Variants in FNTB observed in about 807,000 individuals in gnomAD.
FNTB encodes the protein protein farnesyltransferase subunit beta.
FNTB carries 27 observed loss-of-function variants against 59.4 expected under a neutral mutation model. The observed-to-expected ratio is 0.45, with a 90% CI of 0.34 to 0.63. FNTB has a LOEUF of 0.63. Among genes scored for constraint, FNTB ranks in the 20% least tolerant of loss-of-function variants. The pLI is 0.02. For synonymous variants in FNTB, 230 were observed against 220.7 expected, an observed-to-expected ratio of 1.04 and a Z score of -0.37; for missense variants, 449 against 559.6, an observed-to-expected ratio of 0.80 and a Z score of 1.99.
chr14:65,035,933 G>C (rs1277715544), intron 7 of FNTB, among the ~76,000 whole-genome samples: 1 of 151,950 alleles, frequency 6.6e-6, no homozygotes, highest in Non-Finnish European at 1.5e-5. Context: ...CTGGGCTCAA[G>C]CAGTCTTCCC....
intron 11 of FNTB, among the ~76,000 whole-genome samples, chr14:65,059,982 C>T (rs981465843): frequency 4.0e-5 from 6 of 151,634 alleles, no homozygotes; most frequent in Non-Finnish European, 8.8e-5. Flanking sequence ...TACAGACACT[C>T]ACCATCATGC....
intron 4 of FNTB, among the ~76,000 whole-genome samples, chr14:65,016,208 G>A (rs1205355945): frequency 6.6e-6 from 1 of 152,168 alleles, no homozygotes; most frequent in Non-Finnish European, 1.5e-5. Context: ...GCATACAAAT[G>A]CCATGACTCT....
chr14:65,027,863 T>TA lies in FNTB; in HGVS notation c.605+82_605+83insA. The TA allele has an allele frequency of 6.4e-7, 1 of 1,571,692 alleles. No homozygotes were observed. Reference sequence around the variant, plus strand: ...TTAGAGATGCCAAGCCTAAGGAACATCATGGGGAAGCTGCTGCTTTGTCCC... The same window carrying TA: ...TTAGAGATGCCAAGCCTAAGGAACATACATGGGGAAGCTGCTGCTTTGTCCC... On this transcript the variant is annotated intron_variant, in intron 6 of 11. Coordinates refer to ENST00000246166, the MANE Select transcript of FNTB (RefSeq NM_002028.4). This position sits in a 1 kb window ranked among gnomAD's most constrained non-coding sequence, Gnocchi z 5.7.
In FNTB at chr14:65,023,569, G is replaced by A. The variant is rs1228067284; in HGVS notation, c.375-3884G>A. 3.3e-5 allele frequency among the ~76,000 whole-genome samples: 5 copies of A among 152,170 alleles called. No individual in the cohort carries two copies. Among genetic ancestry groups the A allele is most frequent in the Non-Finnish European group, 5.9e-5 (4 of 68,034 alleles). ...GTTCTATATTCTGTAAATGTCTATA[G>A]GTGTCTATAAACATCTATACGTGTT... On this transcript the variant is annotated intron_variant, in intron 4 of 11. Coordinates refer to ENST00000246166, the MANE Select transcript of FNTB (RefSeq NM_002028.4). This position sits in a 1 kb window ranked among gnomAD's most constrained non-coding sequence, Gnocchi z 4.1.
chr14:65,015,883 A>G, intron 4 of FNTB, among the ~76,000 whole-genome samples, 167 bp downstream of exon 4: 1 of 152,226 alleles, frequency 6.6e-6, no homozygotes, highest in East Asian at 1.9e-4. Context: ...CCTCCACTTT[A>G]GAAAACTAAT....
At chr14:65,004,442 T>C in intron 2 of FNTB, 129 bp downstream of exon 2, 1 of 983,484 alleles carries the variant, frequency 1.0e-6, no homozygotes, top group Non-Finnish European at 1.5e-6. Context: ...CTTGTCCTTG[T>C]GGTTACCTGG....
Position 64,989,542 on chromosome 14 carries a change from A to C in FNTB, c.144+2445A>C, listed in dbSNP as rs1888102242. Among the ~76,000 whole-genome samples the C allele has an allele frequency of 2.3e-5, 3 of 130,986 alleles. No homozygotes were observed. The Admixed American group carries it at 2.6e-4, about 12-fold the overall frequency. 85.9% of individuals were successfully genotyped at this position (130,986 alleles called of 152,430 possible). Reference sequence around the variant, plus strand: ...AAAGCTTTTCAAATTAAAAAAAAAAACAAACAAAAAATAAATGCTTGTTAC... The same window carrying C: ...AAAGCTTTTCAAATTAAAAAAAAAACCAAACAAAAAATAAATGCTTGTTAC... On this transcript the variant is annotated intron_variant, in intron 1 of 11. Coordinates refer to ENST00000246166, the MANE Select transcript of FNTB (RefSeq NM_002028.4).
chr14:65,060,382 A>G (rs1423767172), intron 11 of FNTB, among the ~76,000 whole-genome samples: 1 of 150,332 alleles, frequency 6.7e-6, no homozygotes, highest in African/African-American at 2.5e-5. Flanking sequence ...TGAGGTCAGG[A>G]GTTCGAGACC....
At chr14:64,999,681 A>G (rs780302714) in intron 1 of FNTB, among the ~76,000 whole-genome samples, 14 of 152,190 alleles carry the variant, frequency 9.2e-5, no homozygotes, top group Non-Finnish European at 1.9e-4. Flanking sequence ...TTAGTTCTCC[A>G]TGGGACCTGT....
rs529914115 is a variant in FNTB at position 65,037,704 on chromosome 14, T to C, written c.693-3086T>C. Among the ~76,000 whole-genome samples the C allele has an allele frequency of 9.1e-3, 1,335 of 146,992 alleles. 12 individuals carry two copies. The highest frequency in any genetic ancestry group is 0.018 in the Middle Eastern group (5 of 272). On this transcript the variant is annotated intron_variant, in intron 7 of 11. Transcript: ENST00000246166. ...CTTCCCCAAGTGCTGGGATTACAGG[T>C]GTGAGCCACCATGCCCAGCCTCTTA...
Position 64,991,740 on chromosome 14 carries a change from G to A in FNTB, c.144+4643G>A, listed in dbSNP as rs774438472. Among the ~76,000 whole-genome samples, 5 of 152,172 alleles carry A rather than the reference G, an allele frequency of 3.3e-5. No homozygotes were observed. Among genetic ancestry groups the A allele is most frequent in the Admixed American group, 3.3e-4 (5 of 15,282 alleles). ...TGGTCAGGATGACTTCATGGAGAAC[G>A]TGGAACTGGGTGGGCTGTAAAAAAT... On this transcript the variant is annotated intron_variant, in intron 1 of 11. Transcript: ENST00000246166. This position sits in a 1 kb window ranked among gnomAD's most constrained non-coding sequence, Gnocchi z 4.4.
chr14:65,059,366 A>G (rs1231718212), intron 11 of FNTB, among the ~76,000 whole-genome samples: 3 of 151,840 alleles, frequency 2.0e-5, no homozygotes, highest in Non-Finnish European at 4.4e-5. Context: ...AGGTTTGTAT[A>G]GATCAGAGAT....
At chr14:65,053,625 T>TAAAAAAAAACAAACA (rs201558638) in intron 10 of FNTB, among the ~76,000 whole-genome samples, 1 of 146,318 alleles carries the variant, frequency 6.8e-6, no homozygotes, top group African/African-American at 2.7e-5. Context: ...CTTCTTTTTT[T>TAAAAAAAAACAAACA]TAAAAAAAAC....
intron 1 of FNTB, chr14:65,003,709 A>G (rs985220128): frequency 6.6e-6 from 1 of 152,188 alleles, no homozygotes; most frequent in Non-Finnish European, 1.5e-5. Flanking sequence ...TGCAGATTTC[A>G]GTAGGTGCCT....
At chr14:65,026,125 A>G (rs1176576852) in intron 4 of FNTB, among the ~76,000 whole-genome samples, 1 of 152,238 alleles carries the variant, frequency 6.6e-6, no homozygotes, top group Non-Finnish European at 1.5e-5. Context: ...GAAAGCGCCC[A>G]GGAAAGAAGG....
rs1337578011 is a variant in FNTB, at chr14:65,028,394, T to G, written c.605+613T>G. 6.6e-6 allele frequency among the ~76,000 whole-genome samples: 1 copy of G among 152,242 alleles called. No individual in the cohort carries two copies. Among genetic ancestry groups the G allele is most frequent in the East Asian group, 1.9e-4 (1 of 5,204 alleles). ...GATTACTTATGAGGCATACAGGGAA[T>G]TCATTGAATAAGCCATTTCTCTAAG... is the stretch of plus-strand genomic sequence containing the variant. On this transcript the variant is annotated intron_variant, in intron 6 of 11. Coordinates refer to ENST00000246166, the MANE Select transcript of FNTB (RefSeq NM_002028.4). The surrounding 1 kb of genome is among the most constrained non-coding windows in gnomAD (Gnocchi z 4.4).
chr14:65,031,140 A>G lies in FNTB; in HGVS notation c.606-1470A>G, dbSNP rs994636732. On this transcript the variant is annotated intron_variant, in intron 6 of 11. Transcript: ENST00000246166. The surrounding 1 kb of genome is among the most constrained non-coding windows in gnomAD (Gnocchi z 4.6). ...GGATTTTTGAGCAGAATTCAAACCA[A>G]TGATTTTTGTCTTCCCTGTGCCGGG... Among the ~76,000 whole-genome samples the G allele has an allele frequency of 4.6e-5, 7 of 151,838 alleles. No individual in the cohort carries two copies. The highest frequency in any genetic ancestry group is 1.2e-4 in the African/African-American group (5 of 41,320).
intron 1 of FNTB, among the ~76,000 whole-genome samples, chr14:64,989,521 C>G (rs60384762): frequency 0.11 from 15,879 of 151,040 alleles, 1,093 homozygotes; most frequent in East Asian, 0.3. Context: ...AAGATGAAAG[C>G]TTTTCAAATT....
At chr14:65,020,597 C>G (rs1473468042) in intron 4 of FNTB, among the ~76,000 whole-genome samples, 1 of 151,828 alleles carries the variant, frequency 6.6e-6, no homozygotes, top group Non-Finnish European at 1.5e-5. Flanking sequence ...CCACACCCGG[C>G]TAATTTTTGT....
Sources: gnomAD v4.1 joint callset for allele counts (sites outside exome capture counted in the v4.1 genomes callset) on GRCh38, gnomAD v4.1.1 for gene constraint, Gnocchi (gnomAD v3.1) non-coding constraint, MANE v1.5 for transcripts, NCBI Gene and HGNC (gene_info 2026-07-23, HGNC 2026-07-21) for gene names.